Variants in HRH2 observed in about 807,000 individuals in gnomAD.
The protein encoded by HRH2 is histamine receptor H2.
In HRH2, 4 loss-of-function variants were observed where a neutral mutation model predicts 20.1. That is an observed-to-expected ratio of 0.20 (90% CI 0.10 to 0.45). HRH2 has a LOEUF of 0.45. Among genes scored for constraint, HRH2 ranks in the 20% least tolerant of loss-of-function variants. The pLI, the probability that HRH2 is intolerant of heterozygous loss-of-function variation, is 0.99. For missense variants in HRH2, 250 were observed against 461.6 expected, an observed-to-expected ratio of 0.54 and a Z score of 4.20; for synonymous variants, 197 against 200.7, an observed-to-expected ratio of 0.98 and a Z score of 0.16.
chr5:175,699,747 G>A (rs1179302455), intron 2 of HRH2, among the ~76,000 whole-genome samples: 1 of 152,008 alleles, frequency 6.6e-6, no homozygotes, highest in Admixed American at 6.5e-5. Flanking sequence ...CTAATTTTTT[G>A]TATGTTTAGT....
chr5:175,672,671 TG>T (rs1431804780), intron 1 of HRH2, among the ~76,000 whole-genome samples: 1 of 152,210 alleles, frequency 6.6e-6, no homozygotes, highest in Admixed American at 6.5e-5. Context: ...ATGTGCCTGT[TG>T]GGGAGCAAGG....
chr5:175,679,019 T>C (rs1755862202), intron 1 of HRH2, among the ~76,000 whole-genome samples: 1 of 151,928 alleles, frequency 6.6e-6, no homozygotes, highest in South Asian at 2.1e-4. Flanking sequence ...TCTTCTGGGG[T>C]TTCATGAGTT....
In HRH2 at chr5:175,683,131, T is replaced by A; in HGVS notation, c.-103T>A. On this transcript the variant is annotated 5_prime_UTR_variant, in exon 2 of 3. Coordinates refer to ENST00000636584, the MANE Select transcript of HRH2 (RefSeq NM_001367711.1). ...AAAAAAACTGGACACATTTTGGATC[T>A]GTTGGGAGCTTGGAGTCCAGTGGTT... 1 of 1,212,504 alleles carries A rather than the reference T, an allele frequency of 8.2e-7. No homozygotes were observed. Among genetic ancestry groups the A allele is most frequent in the Non-Finnish European group, 1.1e-6 (1 of 879,740 alleles). 75.1% of individuals were successfully genotyped at this position (1,212,504 alleles called of 1,614,324 possible).
At chr5:175,665,012 T>G (rs1762845596) in intron 1 of HRH2, among the ~76,000 whole-genome samples, 1 of 152,042 alleles carries the variant, frequency 6.6e-6, no homozygotes, top group Non-Finnish European at 1.5e-5. Context: ...CTCCAGACAG[T>G]GCGGAGGAGG....
chr5:175,669,672 T>C (rs1755454663), intron 1 of HRH2, among the ~76,000 whole-genome samples: 1 of 152,216 alleles, frequency 6.6e-6, no homozygotes, highest in Non-Finnish European at 1.5e-5. Context: ...CTTCAGTGTT[T>C]GTGTTTATTT....
At chr5:175,670,964 C>G (rs893955441) in intron 1 of HRH2, among the ~76,000 whole-genome samples, 1 of 152,256 alleles carries the variant, frequency 6.6e-6, no homozygotes, top group Non-Finnish European at 1.5e-5. Context: ...TATACTCACC[C>G]GGCAGGGGCC....
At position 175,709,321 on chromosome 5, in the gene HRH2, C is replaced by G. The variant is rs893507669; in HGVS notation, c.*1350C>G. 1 of 152,274 alleles carries G rather than the reference C, an allele frequency of 6.6e-6. No individual in the cohort carries two copies. Among genetic ancestry groups the G allele is most frequent in the Non-Finnish European group, 1.5e-5 (1 of 68,110 alleles). The allele number at this position is 152,274 out of a possible 1,614,324, so 9.4% of individuals were successfully genotyped here. On this transcript the variant is annotated 3_prime_UTR_variant, in exon 3 of 3. Transcript: ENST00000636584. The stretch of plus-strand genomic sequence containing the variant: ...TCCAGAGTCCTCTCTTCTCACTCAG[C>G]ATCTCTCCTCCTGTGACCTCGTCTG...
At chr5:175,660,701 G>C (rs966745360) in intron 1 of HRH2, among the ~76,000 whole-genome samples, 1 of 152,088 alleles carries the variant, frequency 6.6e-6, no homozygotes, top group Admixed American at 6.5e-5. Context: ...GGTAACTTAC[G>C]GTTCAGTAAA....
intron 2 of HRH2, chr5:175,685,540 T>A: frequency 6.8e-7 from 1 of 1,463,272 alleles, no homozygotes; most frequent in Non-Finnish European, 9.4e-7. Flanking sequence ...ATACTGGGGA[T>A]GTAGAAATGA....
At chr5:175,689,768 G>A (rs894717294) in intron 2 of HRH2, among the ~76,000 whole-genome samples, 2 of 152,204 alleles carry the variant, frequency 1.3e-5, no homozygotes, top group East Asian at 1.9e-4. Context: ...GCACAGATGC[G>A]GGAAGGTGGT....
At chr5:175,701,433 G>A (rs1756784788) in intron 2 of HRH2, among the ~76,000 whole-genome samples, 1 of 152,184 alleles carries the variant, frequency 6.6e-6, no homozygotes, top group Non-Finnish European at 1.5e-5. Context: ...GGGCTCAAAT[G>A]TCCTCAGGAA....
intron 2 of HRH2, chr5:175,703,945 A>G (rs1190524387): frequency 6.6e-6 from 1 of 152,190 alleles, no homozygotes; most frequent in Admixed American, 6.5e-5. Flanking sequence ...CATACAGAAA[A>G]GATTAGCATG....
At chr5:175,695,527 T>G (rs1478555934) in intron 2 of HRH2, among the ~76,000 whole-genome samples, 1 of 152,208 alleles carries the variant, frequency 6.6e-6, no homozygotes. Flanking sequence ...GGGAACACTT[T>G]GTTTCTTTCA....
Position 175,658,100 on chromosome 5 carries a change from G to A in HRH2, c.-581G>A, listed in dbSNP as rs2113458256. 6.6e-6 allele frequency: 1 copy of A among 151,900 alleles called. No homozygotes were observed. The highest frequency in any genetic ancestry group is 1.5e-5 in the Non-Finnish European group (1 of 67,934). The allele number at this position is 151,900 out of a possible 1,614,324, so 9.4% of individuals were successfully genotyped here. A position where few individuals can be genotyped will look rare whatever the true frequency, so the allele number is the denominator to read the frequency against. ...CCCTGCCCGGAGCGCAGCCGGCGCG[G>A]GCGCGGGACCGAGGCGAACCGGGTG... is the stretch of plus-strand genomic sequence containing the variant. On this transcript the variant is annotated 5_prime_UTR_variant, in exon 1 of 3. Coordinates refer to ENST00000636584, the MANE Select transcript of HRH2 (RefSeq NM_001367711.1).
Position 175,683,130 on chromosome 5 carries a change from C to G in HRH2, c.-104C>G, listed in dbSNP as rs1260945282. On this transcript the variant is annotated 5_prime_UTR_variant, in exon 2 of 3. In the 5' UTR this introduces an upstream ATG that the reference lacks. Coordinates refer to ENST00000636584, the MANE Select transcript of HRH2 (RefSeq NM_001367711.1). ...AAAAAAAACTGGACACATTTTGGATCTGTTGGGAGCTTGGAGTCCAGTGGT... is the reference window on the plus strand; with the variant it reads ...AAAAAAAACTGGACACATTTTGGATGTGTTGGGAGCTTGGAGTCCAGTGGT... 1.3e-4 allele frequency: 113 copies of G among 862,080 alleles called. No individual in the cohort carries two copies. The highest frequency in any genetic ancestry group is 1.7e-4 in the Non-Finnish European group (102 of 584,130). 53.4% of individuals were successfully genotyped at this position (862,080 alleles called of 1,614,324 possible). A position where few individuals can be genotyped will look rare whatever the true frequency, so the allele number is the denominator to read the frequency against.
At chr5:175,702,371 TA>T (rs1015421050) in intron 2 of HRH2, among the ~76,000 whole-genome samples, 1 of 151,894 alleles carries the variant, frequency 6.6e-6, no homozygotes, top group Non-Finnish European at 1.5e-5. Context: ...ATTGGCCAAT[TA>T]AAAAAATACA....
chr5:175,705,739 T>C (rs958460691), intron 2 of HRH2, among the ~76,000 whole-genome samples: 6 of 152,006 alleles, frequency 3.9e-5, no homozygotes, highest in African/African-American at 1.4e-4. Flanking sequence ...CTCAGCTCAC[T>C]GCAGCCTCAG....
At position 175,682,861 on chromosome 5, in the gene HRH2, G is replaced by A. The variant is rs527947114; in HGVS notation, c.-373G>A. On this transcript the variant is annotated 5_prime_UTR_variant, in exon 2 of 3. Transcript: ENST00000636584. ...CAAAGCCACCGCCAGACAGTGCCTCGGATTCTATGCAAAACCTGGGAAGCG... is the reference window on the plus strand; with the variant it reads ...CAAAGCCACCGCCAGACAGTGCCTCAGATTCTATGCAAAACCTGGGAAGCG... The A allele has an allele frequency of 5.4e-5, 12 of 223,292 alleles. No homozygotes were observed. The highest frequency in any genetic ancestry group is 1.0e-4 in the East Asian group (1 of 9,614). 13.8% of individuals were successfully genotyped at this position (223,292 alleles called of 1,614,324 possible).
intron 2 of HRH2, among the ~76,000 whole-genome samples, chr5:175,703,129 C>T (rs1265785618): frequency 6.6e-6 from 1 of 152,116 alleles, no homozygotes; most frequent in Non-Finnish European, 1.5e-5. Flanking sequence ...GACACTGTCA[C>T]TAATAACTAG....
Sources: gnomAD v4.1 joint callset for allele counts (sites outside exome capture counted in the v4.1 genomes callset) on GRCh38, gnomAD v4.1.1 for gene constraint, MANE v1.5 for transcripts, NCBI Gene and HGNC (gene_info 2026-07-23, HGNC 2026-07-21) for gene names.